Variants in LYRM4 observed in about 807,000 individuals in gnomAD.
LYRM4 encodes the protein LYR motif containing 4.
Under a neutral mutation model 11.7 loss-of-function variants are expected in LYRM4, and 9 were observed. The observed-to-expected ratio is 0.77, with a 90% confidence interval of 0.46 to 1.34. The LOEUF (loss-of-function observed/expected upper bound fraction) is 1.34, where lower values mean the gene tolerates loss of function less well. Among genes scored for constraint, LYRM4 ranks in the 40% most tolerant of loss-of-function variants. The probability of loss-of-function intolerance (pLI) is 0.00; values close to 1 mark genes in which losing one functional copy is unlikely to be tolerated. For synonymous variants in LYRM4, 42 were observed against 40.4 expected, an observed-to-expected ratio of 1.04 and a Z score of -0.15; for missense variants, 133 against 112.5, an observed-to-expected ratio of 1.18 and a Z score of -0.82.
At chr6:5,112,342 A>G (rs591481) in intron 2 of LYRM4, among the ~76,000 whole-genome samples, 92,481 of 152,138 alleles carry the variant, frequency 0.61, 28,970 homozygotes, top group East Asian at 0.92. Flanking sequence ...GTCCTGGTAG[A>G]CAACACTGCT....
chr6:5,072,406 T>C, the LYRM4 span, among the ~76,000 whole-genome samples: 2 of 152,186 alleles, frequency 1.3e-5, no homozygotes, highest in African/African-American at 4.8e-5. Context: ...CGCCACACTG[T>C]CTTCCACAAT....
chr6:5,189,103 T>C (rs1226024092), intron 2 of LYRM4, among the ~76,000 whole-genome samples: 1 of 152,218 alleles, frequency 6.6e-6, no homozygotes, highest in African/African-American at 2.4e-5. Flanking sequence ...TAGGACCCCT[T>C]GTCTTGCTGT....
chr6:5,095,752 G>A, the LYRM4 span, among the ~76,000 whole-genome samples: 1 of 152,080 alleles, frequency 6.6e-6, no homozygotes. Flanking sequence ...CCGAGAGGCA[G>A]GTGGGTCATT....
the LYRM4 span, among the ~76,000 whole-genome samples, chr6:5,049,903 C>T: frequency 4.8e-3 from 729 of 152,318 alleles, 4 homozygotes; most frequent in Admixed American, 9.0e-3. Flanking sequence ...CTCCTGACCT[C>T]GTGAGCTGCC....
At chr6:5,214,191 C>T (rs535368511) in intron 2 of LYRM4, among the ~76,000 whole-genome samples, 1 of 152,324 alleles carries the variant, frequency 6.6e-6, no homozygotes, top group Non-Finnish European at 1.5e-5. Context: ...AGTGCTGTCA[C>T]AAAAACTAAG....
At chr6:5,074,599 CA>C in the LYRM4 span, among the ~76,000 whole-genome samples, 1 of 150,748 alleles carries the variant, frequency 6.6e-6, no homozygotes, top group African/African-American at 2.4e-5. Flanking sequence ...AACACTTGAA[CA>C]AGTGAGGAGT....
the LYRM4 span, among the ~76,000 whole-genome samples, chr6:5,092,198 GA>G: frequency 3.3e-5 from 5 of 152,186 alleles, no homozygotes; most frequent in East Asian, 9.6e-4. Context: ...TGGCAGATGA[GA>G]ATTTTATGTT....
chr6:5,160,222 T>A (rs114264919), intron 2 of LYRM4, among the ~76,000 whole-genome samples: 2,079 of 152,270 alleles, frequency 0.014, 52 homozygotes, highest in African/African-American at 0.048. Flanking sequence ...ACTGGTAGAA[T>A]TTCAGAGTTT....
chr6:5,068,639 G>C, the LYRM4 span, among the ~76,000 whole-genome samples: 1 of 152,106 alleles, frequency 6.6e-6, no homozygotes, highest in South Asian at 2.1e-4. This position sits in a 1 kb window ranked among gnomAD's most constrained non-coding sequence, Gnocchi z 4.0. Context: ...CCCTGTGTAC[G>C]TGACTTAATC....
chr6:5,077,641 G>A, the LYRM4 span, among the ~76,000 whole-genome samples: 1 of 152,176 alleles, frequency 6.6e-6, no homozygotes, highest in African/African-American at 2.4e-5. Flanking sequence ...AGATCTACCT[G>A]AGAATAAAAA....
intron 2 of LYRM4, among the ~76,000 whole-genome samples, chr6:5,134,221 T>G (rs1180894651): frequency 6.6e-6 from 1 of 152,244 alleles, no homozygotes; most frequent in Non-Finnish European, 1.5e-5. Context: ...GTGTAATGTC[T>G]GGCCAAGGCT....
intron 1 of LYRM4, among the ~76,000 whole-genome samples, chr6:5,257,170 G>A (rs1764716354): frequency 6.6e-6 from 1 of 152,128 alleles, no homozygotes; most frequent in South Asian, 2.1e-4. Flanking sequence ...TGTGAGCTAA[G>A]GGTAAAGTCC....
At chr6:5,218,097 G>C (rs768830302) in intron 1 of LYRM4, 1 of 338,930 alleles carries the variant, frequency 3.0e-6, no homozygotes. Context: ...TTGGGGGATG[G>C]GGACTTGCTG....
intron 1 of LYRM4, among the ~76,000 whole-genome samples, chr6:5,227,531 T>C (rs1411760868): frequency 1.3e-5 from 2 of 152,098 alleles, no homozygotes; most frequent in East Asian, 3.9e-4. Flanking sequence ...TTGGTAGGAG[T>C]GTAAATTAGT....
At chr6:5,086,209 T>A in the LYRM4 span, 1 of 1,534,876 alleles carries the variant, frequency 6.5e-7, no homozygotes. Flanking sequence ...GGTGCTCAGC[T>A]GCCCTGGGCC....
At chr6:5,113,479 T>C (rs1004564551) in intron 2 of LYRM4, 1 of 315,730 alleles carries the variant, frequency 3.2e-6, no homozygotes, top group African/African-American at 2.3e-5. Flanking sequence ...TGGCAGAAGT[T>C]ATAGACGGGC....
chr6:5,139,336 G>A (rs1419098424), intron 2 of LYRM4, among the ~76,000 whole-genome samples: 2 of 152,172 alleles, frequency 1.3e-5, no homozygotes, highest in African/African-American at 4.8e-5. Flanking sequence ...CAACGAAGGC[G>A]CAGGCTTCAT....
At chr6:5,160,655 C>G (rs1344136474) in intron 2 of LYRM4, among the ~76,000 whole-genome samples, 3 of 147,352 alleles carry the variant, frequency 2.0e-5, no homozygotes, top group African/African-American at 5.3e-5. Flanking sequence ...TTATGAGACC[C>G]CCCCCCCAGC....
chr6:5,251,180 A>G (rs1764412760), intron 1 of LYRM4, among the ~76,000 whole-genome samples: 2 of 151,956 alleles, frequency 1.3e-5, no homozygotes, highest in Non-Finnish European at 2.9e-5. Flanking sequence ...ATATACATAC[A>G]CACACACACA....
Sources: allele counts gnomAD v4.1 joint callset (sites outside exome capture counted in the v4.1 genomes callset), GRCh38; gene constraint gnomAD v4.1.1; non-coding constraint Gnocchi (gnomAD v3.1); transcripts MANE v1.5; gene names NCBI Gene and HGNC (gene_info 2026-07-23, HGNC 2026-07-21).